Variants in PTPRG observed in about 807,000 individuals in gnomAD.
PTPRG encodes receptor-type tyrosine-protein phosphatase gamma.
PTPRG carries 102 observed loss-of-function variants against 165.3 expected under a neutral mutation model. The ratio of observed to expected loss-of-function variants is 0.62; its 90% confidence interval spans 0.53 to 0.73. PTPRG has a LOEUF of 0.73. Among genes scored for constraint, PTPRG ranks in the 30% least tolerant of loss-of-function variants. PTPRG has a pLI of 0.00. For synonymous variants in PTPRG, 675 were observed against 669.5 expected (o/e 1.01, Z -0.13); for missense variants, 1,866 against 1,861.4 (o/e 1.00, Z -0.05).
rs549289776 is a variant in PTPRG, at chr3:62,165,423, A to G, written c.841-2548A>G. On this transcript the variant is annotated intron_variant, in intron 7 of 29. Transcript: ENST00000474889. ...CATGAGGTGGAGGTGATTTTTCAGC[A>G]TCTTTAGTTGTCTTCATTTGAGTGG... 3.4e-3 allele frequency among the ~76,000 whole-genome samples: 511 copies of G among 152,294 alleles called. 2 individuals are homozygous for G. Among genetic ancestry groups the G allele is most frequent in the African/African-American group, 0.012 (490 of 41,548 alleles).
intron 1 of PTPRG, among the ~76,000 whole-genome samples, chr3:61,621,811 G>A (rs747807529): frequency 2.0e-5 from 3 of 152,178 alleles, no homozygotes; most frequent in Non-Finnish European, 4.4e-5. Flanking sequence ...AAGCTGGTAA[G>A]TTCCTCTGAT....
chr3:61,986,404 C>G (rs573271782), intron 2 of PTPRG, among the ~76,000 whole-genome samples: 1 of 152,204 alleles, frequency 6.6e-6, no homozygotes, highest in East Asian at 1.9e-4. Context: ...ACCAAGAACC[C>G]CTGTGTATCT....
In PTPRG at chr3:62,281,743, T is replaced by C. The variant is rs376524114; in HGVS notation, c.3912+34T>C. 2.5e-6 allele frequency: 4 copies of C among 1,569,788 alleles called. No individual in the cohort carries two copies. In the African/African-American group the frequency reaches 4.1e-5, roughly 16 times the overall value. On this transcript the variant is annotated intron_variant, in intron 27 of 29. Transcript: ENST00000474889. ...AACCTCAGTTCCTCACTAATAGCCA[T>C]ACCTGGGCCCTGGATCATCATTCTA...
intron 28 of PTPRG, among the ~76,000 whole-genome samples, chr3:62,283,917 G>A (rs1431851399): frequency 6.6e-6 from 1 of 152,176 alleles, no homozygotes; most frequent in East Asian, 1.9e-4. Context: ...AAGCATTACA[G>A]TTGAAACATT....
intron 1 of PTPRG, among the ~76,000 whole-genome samples, chr3:61,728,379 C>G (rs1283831189): frequency 6.6e-6 from 1 of 152,074 alleles, no homozygotes; most frequent in Non-Finnish European, 1.5e-5. Context: ...GCTAGGAGCT[C>G]AAGACCAGCC....
chr3:62,216,036 G>A (rs908209913), intron 12 of PTPRG, among the ~76,000 whole-genome samples: 1 of 152,072 alleles, frequency 6.6e-6, no homozygotes, highest in Non-Finnish European at 1.5e-5. Flanking sequence ...TGAGCAACAT[G>A]GTGAAACCTC....
chr3:61,663,481 A>G (rs1340291387), intron 1 of PTPRG, among the ~76,000 whole-genome samples: 1 of 152,190 alleles, frequency 6.6e-6, no homozygotes, highest in Non-Finnish European at 1.5e-5. Flanking sequence ...GAGATAGTGT[A>G]TTCAAAGCAG....
chr3:62,229,025 A>G lies in PTPRG; in HGVS notation c.2289-2200A>G, dbSNP rs1700832901. Among the ~76,000 whole-genome samples the G allele has an allele frequency of 6.6e-6, 1 of 152,100 alleles. No individual in the cohort carries two copies. The highest frequency in any genetic ancestry group is 2.1e-4 in the South Asian group (1 of 4,816). ...CAAGACTTTTTTTTAATCATTAGGA[A>G]TAATTTTTACAGTTCAGCTTTTCAA... is the stretch of plus-strand genomic sequence containing the variant. On this transcript the variant is annotated intron_variant, in intron 13 of 29. Transcript: ENST00000474889. This position sits in a 1 kb window ranked among gnomAD's most constrained non-coding sequence, Gnocchi z 4.6.
chr3:62,084,938 C>G (rs1189076301), intron 5 of PTPRG, among the ~76,000 whole-genome samples: 4 of 152,300 alleles, frequency 2.6e-5, no homozygotes, highest in Non-Finnish European at 5.9e-5. Flanking sequence ...CATGGAAACA[C>G]ATTTAGGCTC....
chr3:62,113,733 C>A (rs1702753482), intron 5 of PTPRG, among the ~76,000 whole-genome samples: 1 of 152,128 alleles, frequency 6.6e-6, no homozygotes, highest in Non-Finnish European at 1.5e-5. Flanking sequence ...AAATATGTTA[C>A]CTGAATAAAA....
intron 2 of PTPRG, among the ~76,000 whole-genome samples, chr3:61,984,494 A>G (rs548077774): frequency 6.6e-6 from 1 of 152,174 alleles, no homozygotes; most frequent in Non-Finnish European, 1.5e-5. Flanking sequence ...TGCCATAGAC[A>G]CGGCCTAAGT....
chr3:62,109,703 T>C (rs1421761805), intron 5 of PTPRG, among the ~76,000 whole-genome samples: 1 of 152,184 alleles, frequency 6.6e-6, no homozygotes, highest in Non-Finnish European at 1.5e-5. Context: ...TGTAGGCAGC[T>C]GATCAGCAAG....
At position 62,221,151 on chromosome 3, in the gene PTPRG, AAATCT is replaced by A. The variant is rs1407525352; in HGVS notation, c.2288+2169_2288+2173del. Among the ~76,000 whole-genome samples, 4 of 152,356 alleles carry A rather than the reference AAATCT, an allele frequency of 2.6e-5. No homozygotes were observed. In the East Asian group the frequency reaches 7.7e-4, roughly 29 times the overall value. ...AAATGACAACTGTTTATACTTCTGA[AAATCT>A]CAGTGAGTCCAAATGGAAAATATGA... On this transcript the variant is annotated intron_variant, in intron 13 of 29. Transcript: ENST00000474889.
chr3:61,659,439 C>T (rs1374167889), intron 1 of PTPRG: 1 of 985,122 alleles, frequency 1.0e-6, no homozygotes. Context: ...AGTGAAAAAG[C>T]CTTTGCAGGT....
chr3:61,937,088 G>T (rs930203558), intron 2 of PTPRG, among the ~76,000 whole-genome samples: 3 of 152,128 alleles, frequency 2.0e-5, no homozygotes, highest in Non-Finnish European at 4.4e-5. Context: ...GTAGTGCACC[G>T]TTGCCCTGTC....
intron 1 of PTPRG, among the ~76,000 whole-genome samples, chr3:61,576,685 T>C (rs1315860379): frequency 4.6e-5 from 7 of 152,164 alleles, no homozygotes; most frequent in Admixed American, 4.6e-4. Flanking sequence ...GAAAGAGAGG[T>C]GTATCCAAGT....
At chr3:61,679,782 A>G (rs1417239299) in intron 1 of PTPRG, among the ~76,000 whole-genome samples, 1 of 152,142 alleles carries the variant, frequency 6.6e-6, no homozygotes, top group Non-Finnish European at 1.5e-5. Context: ...TCTGTCTCAA[A>G]AAACCAAAAA....
intron 2 of PTPRG, among the ~76,000 whole-genome samples, chr3:61,829,275 G>A (rs559546151): frequency 6.6e-6 from 1 of 152,374 alleles, no homozygotes; most frequent in South Asian, 2.1e-4. Flanking sequence ...TAATGTCAAG[G>A]AAGTGTTGAG....
At chr3:61,892,176 A>T (rs181150872) in intron 2 of PTPRG, among the ~76,000 whole-genome samples, 11 of 152,318 alleles carry the variant, frequency 7.2e-5, no homozygotes, top group African/African-American at 2.4e-4. Context: ...TCTCCAATCC[A>T]TTCAACTAGT....
Sources: allele counts gnomAD v4.1 joint callset (sites outside exome capture counted in the v4.1 genomes callset), GRCh38; gene constraint gnomAD v4.1.1; non-coding constraint Gnocchi (gnomAD v3.1); transcripts MANE v1.5; gene names NCBI Gene and HGNC (gene_info 2026-07-23, HGNC 2026-07-21).